Variants in CHD6 observed in about 807,000 individuals in gnomAD.
CHD6 encodes ATP-dependent chromatin remodeler CHD6.
CHD6 carries 50 observed loss-of-function variants against 276.9 expected under a neutral mutation model. That is an observed-to-expected ratio of 0.18 (90% CI 0.14 to 0.23). The LOEUF (loss-of-function observed/expected upper bound fraction) is 0.23. Among genes scored for constraint, CHD6 ranks in the 10% least tolerant of loss-of-function variants. The pLI is 1.00. For synonymous variants in CHD6, 1,173 were observed against 1,229.3 expected, an observed-to-expected ratio of 0.95 and a Z score of 0.96; for missense variants, 2,564 against 3,365.8, an observed-to-expected ratio of 0.76 and a Z score of 5.89.
chr20:41,447,767 C>A, intron 24 of CHD6, 115 bp downstream of exon 24: 1 of 621,112 alleles, frequency 1.6e-6, no homozygotes, highest in Non-Finnish European at 2.8e-6. Context: ...CGGTCCTGGG[C>A]AGGGGGTAGG....
intron 1 of CHD6, among the ~76,000 whole-genome samples, chr20:41,617,998 G>T (rs895769035): frequency 8.2e-5 from 12 of 146,612 alleles, no homozygotes; most frequent in African/African-American, 2.9e-4. Flanking sequence ...CGCGGCCGGG[G>T]TCTGCCCGGA....
chr20:41,541,629 T>A (rs1386031328), intron 2 of CHD6, among the ~76,000 whole-genome samples: 1 of 152,058 alleles, frequency 6.6e-6, no homozygotes, highest in Non-Finnish European at 1.5e-5. Context: ...ATAAGTGAAG[T>A]TGGTGGGAAA....
intron 2 of CHD6, among the ~76,000 whole-genome samples, chr20:41,550,757 C>T (rs2045133041): frequency 6.6e-6 from 1 of 152,188 alleles, no homozygotes; most frequent in South Asian, 2.1e-4. Flanking sequence ...ATACTCATGG[C>T]ATAGCAGTAC....
At chr20:41,572,933 T>G (rs947095849) in intron 1 of CHD6, among the ~76,000 whole-genome samples, 5 of 152,034 alleles carry the variant, frequency 3.3e-5, no homozygotes, top group African/African-American at 9.7e-5. Flanking sequence ...TTTTTTAGAC[T>G]GAGTCTTGCT....
intron 2 of CHD6, among the ~76,000 whole-genome samples, chr20:41,540,479 A>T (rs935878349): frequency 6.6e-6 from 1 of 152,256 alleles, no homozygotes; most frequent in Non-Finnish European, 1.5e-5. Context: ...TTCTATAATA[A>T]GCGGGAAAAA....
Position 41,497,383 on chromosome 20 carries a change from C to A in CHD6, c.1092+1G>T. The A allele has an allele frequency of 6.3e-7, 1 of 1,590,418 alleles. No individual in the cohort carries two copies. Among genetic ancestry groups the A allele is most frequent in the Non-Finnish European group, 8.6e-7 (1 of 1,158,414 alleles). Reference sequence around the variant, plus strand: ...AAATGAGTCAGTAAATATTGCTTCACCTCCGTAAAAATGTGCTTCATCTGG... The same window carrying A: ...AAATGAGTCAGTAAATATTGCTTCAACTCCGTAAAAATGTGCTTCATCTGG... On this transcript the variant is annotated splice_donor_variant, in intron 8 of 36. Transcript: ENST00000373233. LOFTEE classifies it high-confidence loss of function.
At chr20:41,417,387 ATAG>A (rs1287155567) in intron 31 of CHD6, 38 bp from the exon 32 acceptor site, 1 of 1,580,390 alleles carries the variant, frequency 6.3e-7, no homozygotes, top group Non-Finnish European at 8.6e-7. Flanking sequence ...GCACTTAACT[ATAG>A]TAGTGAGATA....
intron 19 of CHD6, among the ~76,000 whole-genome samples, chr20:41,455,241 C>G (rs1380949748): frequency 3.9e-5 from 6 of 152,296 alleles, no homozygotes; most frequent in Non-Finnish European, 8.8e-5. Flanking sequence ...TTTAATCAAA[C>G]AGGTCACAAA....
At chr20:41,499,785 T>C (rs905652064) in intron 5 of CHD6, among the ~76,000 whole-genome samples, 1 of 152,164 alleles carries the variant, frequency 6.6e-6, no homozygotes, top group Admixed American at 6.5e-5. Flanking sequence ...TCTCCAAATA[T>C]ATTAAAATAG....
chr20:41,590,638 T>C (rs1334887033), intron 1 of CHD6, among the ~76,000 whole-genome samples: 3 of 152,022 alleles, frequency 2.0e-5, no homozygotes, highest in African/African-American at 7.3e-5. Flanking sequence ...ATCAGAGAAA[T>C]GCAAATCAAA....
chr20:41,514,325 A>G (rs748043895), intron 4 of CHD6, among the ~76,000 whole-genome samples: 6 of 152,196 alleles, frequency 3.9e-5, no homozygotes, highest in South Asian at 4.1e-4. Context: ...ACATTTTGGT[A>G]TATTTTCAGG....
intron 4 of CHD6, 29 bp from the exon 5 acceptor site, chr20:41,513,024 GCT>G (rs758775583): frequency 6.2e-7 from 1 of 1,612,812 alleles, no homozygotes; most frequent in African/African-American, 1.3e-5. Context: ...CGTCAGAGAA[GCT>G]CTCTGAGTGA....
intron 1 of CHD6, among the ~76,000 whole-genome samples, chr20:41,611,353 G>T (rs6102495): frequency 0.38 from 58,173 of 151,984 alleles, 13,861 homozygotes; most frequent in African/African-American, 0.65. Context: ...TATTTAAATT[G>T]AAGCTAATAT....
At position 41,404,187 on chromosome 20, in the gene CHD6, G is replaced by A; in HGVS notation, c.*406C>T. 1 of 1,065,628 alleles carries A rather than the reference G, an allele frequency of 9.4e-7. No individual in the cohort carries two copies. Among genetic ancestry groups the A allele is most frequent in the Non-Finnish European group, 1.1e-6 (1 of 880,284 alleles). The allele number at this position is 1,065,628 out of a possible 1,614,324, so 66.0% of individuals were successfully genotyped here. A position where few individuals can be genotyped will look rare whatever the true frequency, so the allele number is the denominator to read the frequency against. ...TGTGACATTCTTCCTGTGCAACCCAGCTCACAGAAAAAGAGCTCCTCTTTG... is the reference window on the plus strand; with the variant it reads ...TGTGACATTCTTCCTGTGCAACCCAACTCACAGAAAAAGAGCTCCTCTTTG... On this transcript the variant is annotated 3_prime_UTR_variant, in exon 37 of 37. Coordinates refer to ENST00000373233, the MANE Select transcript of CHD6 (RefSeq NM_032221.5).
intron 1 of CHD6, among the ~76,000 whole-genome samples, chr20:41,592,676 C>A (rs1357837503): frequency 6.6e-6 from 1 of 152,128 alleles, no homozygotes; most frequent in Non-Finnish European, 1.5e-5. Context: ...CTGGCAAAAT[C>A]TAATTAGTGG....
intron 1 of CHD6, among the ~76,000 whole-genome samples, chr20:41,590,005 A>AC (rs137958695): frequency 1 from 152,244 of 152,246 alleles, 76,121 homozygotes; most frequent in Non-Finnish European, 1. Context: ...TGGTACGGGT[A>AC]CAAAACAGAG....
At chr20:41,476,496 A>G (rs2043170475) in intron 16 of CHD6, among the ~76,000 whole-genome samples, 1 of 152,178 alleles carries the variant, frequency 6.6e-6, no homozygotes, top group African/African-American at 2.4e-5. Context: ...AGTTAATTTA[A>G]AAAAAGAAAA....
chr20:41,590,479 A>C (rs185360833), intron 1 of CHD6, among the ~76,000 whole-genome samples: 14 of 152,380 alleles, frequency 9.2e-5, no homozygotes, highest in African/African-American at 3.4e-4. Context: ...CAAAGGGCTA[A>C]TATCCAGAAT....
chr20:41,593,236 T>C (rs1040881616), intron 1 of CHD6, among the ~76,000 whole-genome samples: 1 of 148,440 alleles, frequency 6.7e-6, no homozygotes. Flanking sequence ...AAGAGGGATA[T>C]GGTTTGTTCA....
Sources: allele counts gnomAD v4.1 joint callset (sites outside exome capture counted in the v4.1 genomes callset), GRCh38; gene constraint gnomAD v4.1.1; transcripts MANE v1.5; gene names NCBI Gene and HGNC (gene_info 2026-07-23, HGNC 2026-07-21).